Variants in MAPK15 observed in about 807,000 individuals in gnomAD.
MAPK15 encodes the protein ERK-7.
Under a neutral mutation model 60.8 loss-of-function variants are expected in MAPK15, and 61 were observed. The observed-to-expected ratio is 1.00, with a 90% confidence interval of 0.82 to 1.24. The LOEUF is 1.24. MAPK15 is among the 50% of genes most tolerant of loss of function. The pLI, the probability that MAPK15 is intolerant of heterozygous loss-of-function variation, is 0.00. For synonymous variants in MAPK15, 356 were observed against 319.9 expected, an observed-to-expected ratio of 1.11 and a Z score of -1.21; for missense variants, 808 against 741.1, an observed-to-expected ratio of 1.09 and a Z score of -1.05.
Position 143,721,029 on chromosome 8 carries a change from G to A in MAPK15, c.947G>A (p.Arg316Gln), listed in dbSNP as rs370712189. ...CACTGCCCCAGCGACGAGTGGGCAC[G>A]AGAGGCAGATGTGCGGCCCCGGGCA... The part of the protein sequence containing the change: ...RFHCPSDEWA[R>Q]EADVRPRAHE... Residue 316 changes from arginine (R) to glutamine (Q), a missense_variant, in exon 10 of 14, where the codon CGA (arginine) becomes CAA (glutamine). By Grantham distance (43) the Arg-to-Gln change is conservative (BLOSUM62 1). Transcript: ENST00000338033. 3.5e-5 allele frequency: 56 copies of A among 1,611,698 alleles called. No individual in the cohort carries two copies. The highest frequency in any genetic ancestry group is 3.3e-4 in the Middle Eastern group (2 of 6,058).
intron 1 of MAPK15, among the ~76,000 whole-genome samples, chr8:143,716,927 T>G (rs935846237): frequency 6.6e-6 from 1 of 151,286 alleles, no homozygotes; most frequent in South Asian, 2.1e-4. Flanking sequence ...TAAGCCTGTG[T>G]GTGTGTGCGT....
In MAPK15 at chr8:143,720,582, A is replaced by G. The variant is rs1477437976; in HGVS notation, c.780-121A>G. The G allele has an allele frequency of 1.3e-5, 20 of 1,485,012 alleles. No homozygotes were observed. Among genetic ancestry groups the G allele is most frequent in the Non-Finnish European group, 1.5e-5 (17 of 1,113,306 alleles). 92.0% of individuals were successfully genotyped at this position (1,485,012 alleles called of 1,614,324 possible). ...CTGCCTGCAGGTCAGGCACAGGGGC[A>G]TCTACCTAGACAGGACAGCAGGGTG... is the stretch of plus-strand genomic sequence containing the variant. On this transcript the variant is annotated intron_variant, in intron 8 of 13. Transcript: ENST00000338033. The surrounding 1 kb of genome is among the most constrained non-coding windows in gnomAD (Gnocchi z 4.6).
At chr8:143,718,721 C>CCCGGT in intron 4 of MAPK15, 54 bp from the exon 5 acceptor site, 34 of 796,088 alleles carry the variant, frequency 4.3e-5, no homozygotes, top group Middle Eastern at 3.7e-4. Flanking sequence ...CCACTCCCCC[C>CCCGGT]AGGTTGCCCC....
chr8:143,717,612 A>T, intron 1 of MAPK15, 82 bp from the exon 2 acceptor site: 1 of 1,201,370 alleles, frequency 8.3e-7, no homozygotes, highest in Non-Finnish European at 1.2e-6. Flanking sequence ...GGGAAGGAGG[A>T]GCCTCATGTC....
rs1817888529 is a variant in MAPK15, at chr8:143,718,233, A to G, written c.217A>G (p.Ile73Val). 6.2e-7 allele frequency: 1 copy of G among 1,613,998 alleles called. No homozygotes were observed. The highest frequency in any genetic ancestry group is 8.5e-7 in the Non-Finnish European group (1 of 1,180,008). ...LLQEFGDHPN[I>V]ISLLDVIRAE... ...CCAGGAGTTTGGGGACCATCCCAAC[A>G]TCATCAGCCTCCTTGACGTGATCCG... Residue 73 changes from isoleucine to valine, a missense_variant, in exon 4 of 14, where the codon ATC becomes GTC. By Grantham distance (29) the Ile-to-Val change is conservative. Coordinates refer to ENST00000338033, the MANE Select transcript of MAPK15 (RefSeq NM_139021.3).
At chr8:143,721,502 C>T (rs1232604642) in intron 11 of MAPK15, 47 bp from the exon 12 acceptor site, 2 of 1,612,986 alleles carry the variant, frequency 1.2e-6, no homozygotes, top group Non-Finnish European at 1.7e-6. Context: ...GGTTCCTGAC[C>T]CTGGGGTTGA....
rs781814619 is a variant in MAPK15 at position 143,722,152 on chromosome 8, G to C, written c.1536G>C (p.Gly512=). 2 of 1,611,674 alleles carry C rather than the reference G, an allele frequency of 1.2e-6. No homozygotes were observed. Among genetic ancestry groups the C allele is most frequent in the South Asian group, 1.1e-5 (1 of 90,962 alleles). ...FSTSALQGAQ[G]GARALLGGYS... Reference sequence around the variant, plus strand: ...CCTCTGCCTTGCAGGGTGCCCAGGGGGGTGCCAGGGCTTTGCTTGGAGGCT... The same window carrying C: ...CCTCTGCCTTGCAGGGTGCCCAGGGCGGTGCCAGGGCTTTGCTTGGAGGCT... The change falls in exon 14 of 14, where the codon GGG becomes GGC. Residue 512 remains glycine (G), a synonymous_variant. Transcript: ENST00000338033.
At position 143,720,487 on chromosome 8, in the gene MAPK15, G is replaced by A. The variant is rs547413072; in HGVS notation, c.779+200G>A. The A allele has an allele frequency of 6.9e-7, 1 of 1,449,058 alleles. No individual in the cohort carries two copies. The highest frequency in any genetic ancestry group is 9.1e-7 in the Non-Finnish European group (1 of 1,097,780). The allele number at this position is 1,449,058 out of a possible 1,614,324, so 89.8% of individuals were successfully genotyped here. On this transcript the variant is annotated intron_variant, in intron 8 of 13. Coordinates refer to ENST00000338033, the MANE Select transcript of MAPK15 (RefSeq NM_139021.3). The surrounding 1 kb of genome is among the most constrained non-coding windows in gnomAD (Gnocchi z 4.6). ...TGCTCCTAGAGGGTGGCCCAGAGGA[G>A]CTGTGCCAGGGCGTGGAGAGGAGGG...
rs782727860 is a variant in MAPK15, at chr8:143,719,398, C to T, written c.637C>T (p.Arg213Trp). The T allele has an allele frequency of 7.7e-5, 124 of 1,610,954 alleles. No individual in the cohort carries two copies. The highest frequency in any genetic ancestry group is 2.4e-4 in the South Asian group (22 of 90,668). ...GGGCTGTATCCTGGGGGAGATGCTG[C>T]GGGGGAGACCCCTGTTCCCCGGCAC... The part of the protein sequence containing the change: ...SLGCILGEML[R>W]GRPLFPGTST... The change falls in exon 7 of 14, where the codon CGG (arginine) becomes TGG (tryptophan). Residue 213 changes from arginine (R) to tryptophan (W), a missense_variant. Coordinates refer to ENST00000338033, the MANE Select transcript of MAPK15 (RefSeq NM_139021.3).
rs1213164466 is a variant in MAPK15 at position 143,716,493 on chromosome 8, G to A, written c.66+50G>A. On this transcript the variant is annotated intron_variant, in intron 1 of 13. Transcript: ENST00000338033. ...GCGCCGAGGGGCGCGGCAGATCTGC[G>A]GAGAGAGGACCTGCGGGGCGCGGCC... 52 of 1,553,916 alleles carry A rather than the reference G, an allele frequency of 3.3e-5. 1 individual carries two copies. In the South Asian group the frequency reaches 5.4e-4, roughly 16 times the overall value.
At position 143,717,782 on chromosome 8, in the gene MAPK15, CAG is replaced by C; in HGVS notation, c.157_158del (p.Asp53CysfsTer25). 3 of 1,610,682 alleles carry C rather than the reference CAG, an allele frequency of 1.9e-6. No homozygotes were observed. Among genetic ancestry groups the C allele is most frequent in the Non-Finnish European group, 2.5e-6 (3 of 1,178,682 alleles). The stretch of plus-strand genomic sequence containing the variant: ...ATCTTTGATGCTTTTAGGGATAAGA[CAG>C]ATGCCCAGGTGAGTGTGTGGGGAGA... On this transcript the variant is annotated frameshift_variant, in exon 2 of 14. Transcript: ENST00000338033. LOFTEE classifies it high-confidence loss of function.
In MAPK15 at chr8:143,716,457, G is replaced by C. The variant is rs1554618366; in HGVS notation, c.66+14G>C. On this transcript the variant is annotated intron_variant, in intron 1 of 13. Coordinates refer to ENST00000338033, the MANE Select transcript of MAPK15 (RefSeq NM_139021.3). ...CTCGGGCAGGGGGTGAGTGCCTGGG[G>C]GTGCGTCCGCGCGCCGAGGGGCGCG... 1.9e-6 allele frequency: 3 copies of C among 1,592,182 alleles called. No individual in the cohort carries two copies. Among genetic ancestry groups the C allele is most frequent in the Non-Finnish European group, 1.7e-6 (2 of 1,171,882 alleles).
In MAPK15 at chr8:143,719,344, T is replaced by C; in HGVS notation, c.583T>C (p.Tyr195His). 6.2e-7 allele frequency: 1 copy of C among 1,600,142 alleles called. No homozygotes were observed. The highest frequency in any genetic ancestry group is 1.1e-5 in the South Asian group (1 of 89,346). ...APEVLLSSHRYTLGVDMWSLG... is the reference protein window; with the variant it reads ...APEVLLSSHRHTLGVDMWSLG... ...TGCCTACACCGCTTCCTGCCCCAGA[T>C]ACACCCTTGGGGTGGACATGTGGAG... Residue 195 changes from tyrosine to histidine, a missense_variant and splice_region_variant, in exon 7 of 14, where the codon TAC (tyrosine) becomes CAC (histidine). Tyr to His is a moderately conservative substitution (Grantham distance 83). Coordinates refer to ENST00000338033, the MANE Select transcript of MAPK15 (RefSeq NM_139021.3).
rs782259411 is a variant in MAPK15 at position 143,718,910 on chromosome 8, G to A, written c.417+5G>A. 8.1e-6 allele frequency: 13 copies of A among 1,602,180 alleles called. No individual in the cohort carries two copies. Among genetic ancestry groups the A allele is most frequent in the East Asian group, 6.7e-5 (3 of 44,708 alleles). On this transcript the variant is annotated splice_donor_5th_base_variant and intron_variant, in intron 5 of 13. Transcript: ENST00000338033. ...GTTGTGCACCGGGACCAGAAGGTGC[G>A]GTTCCCCCGCCCCCGCTATGCCACG...
intron 1 of MAPK15, among the ~76,000 whole-genome samples, chr8:143,716,768 G>T (rs868941601): frequency 5.9e-5 from 9 of 152,250 alleles, no homozygotes; most frequent in African/African-American, 1.9e-4. Flanking sequence ...GCTCTGGGGA[G>T]GCTGGGCCCG....
chr8:143,718,879 GGGCACGT>G lies in MAPK15; in HGVS notation c.392_398del (p.Gly131ValfsTer19). The G allele has an allele frequency of 6.2e-7, 1 of 1,610,280 alleles. No homozygotes were observed. The highest frequency in any genetic ancestry group is 8.5e-7 in the Non-Finnish European group (1 of 1,178,722). On this transcript the variant is annotated frameshift_variant, in exon 5 of 14. Coordinates refer to ENST00000338033, the MANE Select transcript of MAPK15 (RefSeq NM_139021.3). LOFTEE classifies it high-confidence loss of function. The stretch of plus-strand genomic sequence containing the variant: ...GCGGGCCACCCGGTTCCTCCACTCG[GGGCACGT>G]TGTGCACCGGGACCAGAAGGTGCGG...
chr8:143,720,563 G>GCC lies in MAPK15; in HGVS notation c.780-139_780-138insCC, dbSNP rs782352540. 6.8e-6 allele frequency: 10 copies of GCC among 1,471,648 alleles called. No homozygotes were observed. Among genetic ancestry groups the GCC allele is most frequent in the Admixed American group, 5.0e-5 (2 of 39,638 alleles). The allele number at this position is 1,471,648 out of a possible 1,614,324, so 91.2% of individuals were successfully genotyped here. On this transcript the variant is annotated intron_variant, in intron 8 of 13. Coordinates refer to ENST00000338033, the MANE Select transcript of MAPK15 (RefSeq NM_139021.3). The surrounding 1 kb of genome is among the most constrained non-coding windows in gnomAD (Gnocchi z 4.6). The stretch of plus-strand genomic sequence containing the variant: ...CACCCTGCAGGGGCCCAGACTGCCT[G>GCC]CAGGTCAGGCACAGGGGCATCTACC...
chr8:143,719,126 G>A lies in MAPK15; in HGVS notation c.551G>A (p.Arg184Gln), dbSNP rs781945350. 3.3e-5 allele frequency: 51 copies of A among 1,555,824 alleles called. No individual in the cohort carries two copies. Among genetic ancestry groups the A allele is most frequent in the Middle Eastern group, 1.7e-4 (1 of 5,932 alleles). ...VTEYVATRWYRAPEVLLSSHR... is the reference protein window; with the variant it reads ...VTEYVATRWYQAPEVLLSSHR... ...GAGTACGTGGCCACACGCTGGTACC[G>A]AGCACCGGAGGTGCTGCTCTCTTCG... The change falls in exon 6 of 14, where the codon CGA becomes CAA. Residue 184 changes from arginine to glutamine, a missense_variant. Physicochemically the swap from Arg to Gln is conservative, Grantham distance 43. Coordinates refer to ENST00000338033, the MANE Select transcript of MAPK15 (RefSeq NM_139021.3).
rs368459044 is a variant in MAPK15 at position 143,718,784 on chromosome 8, T to C, written c.296T>C (p.Leu99Pro). 347 of 1,370,716 alleles carry C rather than the reference T, an allele frequency of 2.5e-4. No homozygotes were observed. The highest frequency in any genetic ancestry group is 3.2e-4 in the Non-Finnish European group (335 of 1,032,634). The allele number at this position is 1,370,716 out of a possible 1,614,324, so 84.9% of individuals were successfully genotyped here. The change falls in exon 5 of 14, where the codon CTG becomes CCG. Residue 99 changes from leucine to proline, a missense_variant. Coordinates refer to ENST00000338033, the MANE Select transcript of MAPK15 (RefSeq NM_139021.3). ...YLVFEFMDTD[L>P]NAVIRKGGLL... Reference sequence around the variant, plus strand: ...CGCACCCTCTCTGCAGACACTGACCTGAACGCAGTCATCCGGAAGGGCGGC... The same window carrying C: ...CGCACCCTCTCTGCAGACACTGACCCGAACGCAGTCATCCGGAAGGGCGGC...
Sources: gnomAD v4.1 joint callset for allele counts (sites outside exome capture counted in the v4.1 genomes callset) on GRCh38, gnomAD v4.1.1 for gene constraint, Gnocchi (gnomAD v3.1) non-coding constraint, MANE v1.5 for transcripts, NCBI Gene and HGNC (gene_info 2026-07-23, HGNC 2026-07-21) for gene names.